The following TNRC6B variants were observed in gnomAD, a reference collection of about 807,000 sequenced individuals.
TNRC6B encodes trinucleotide repeat-containing gene 6B protein.
A neutral mutation model predicts 203.6 loss-of-function variants in TNRC6B; 52 were observed. That is an observed-to-expected ratio of 0.26 (90% CI 0.20 to 0.32). The LOEUF is 0.32. Among genes scored for constraint, TNRC6B ranks in the 10% least tolerant of loss-of-function variants. The probability of loss-of-function intolerance (pLI) is 1.00; values close to 1 mark genes in which losing one functional copy is unlikely to be tolerated. For missense variants in TNRC6B, 1,923 were observed against 2,286.2 expected (o/e 0.84, Z 3.24); for synonymous variants, 838 against 845.7 (o/e 0.99, Z 0.16).
intron 1 of TNRC6B, among the ~76,000 whole-genome samples, chr22:40,238,563 A>G (rs1426888091): frequency 6.6e-6 from 1 of 151,682 alleles, no homozygotes; most frequent in Non-Finnish European, 1.5e-5. Flanking sequence ...CCTCAGATAC[A>G]CCAATCTCAC....
intron 3 of TNRC6B, among the ~76,000 whole-genome samples, chr22:40,257,741 G>C (rs534335657): frequency 1.3e-5 from 2 of 151,372 alleles, no homozygotes; most frequent in African/African-American, 2.4e-5. Context: ...ATGAATGGAC[G>C]GCCAGGTGCG....
intron 1 of TNRC6B, among the ~76,000 whole-genome samples, chr22:40,196,155 T>G (rs2069334427): frequency 6.6e-6 from 1 of 151,962 alleles, no homozygotes; most frequent in Non-Finnish European, 1.5e-5. Context: ...TTTTAAAAAT[T>G]GCTTACCTCT....
intron 20 of TNRC6B, 39 bp from the exon 21 acceptor site, chr22:40,315,903 T>C: frequency 6.5e-7 from 1 of 1,533,414 alleles, no homozygotes; most frequent in Non-Finnish European, 9.0e-7. Context: ...TTGTTTTTGT[T>C]TTATTTCTCT....
rs1185796085 is a variant in TNRC6B at position 40,323,316 on chromosome 22, T to C, written c.*75T>C. 1 of 1,479,866 alleles carries C rather than the reference T, an allele frequency of 6.8e-7. No individual in the cohort carries two copies. Among genetic ancestry groups the C allele is most frequent in the Non-Finnish European group, 9.0e-7 (1 of 1,115,948 alleles). 91.7% of individuals were successfully genotyped at this position (1,479,866 alleles called of 1,614,324 possible). A position where few individuals can be genotyped will look rare whatever the true frequency, so the allele number is the denominator to read the frequency against. ...GCACTAACTTGACCTTTTCGTTTTT[T>C]TTTTCAACTTGCAATAAATACATTT... On this transcript the variant is annotated 3_prime_UTR_variant, in exon 23 of 23. Transcript: ENST00000454349.
chr22:40,249,568 G>A (rs946912342), intron 2 of TNRC6B, among the ~76,000 whole-genome samples: 4 of 152,296 alleles, frequency 2.6e-5, no homozygotes, highest in East Asian at 3.9e-4. Context: ...GCTTCTCGCC[G>A]TCTGGGGGAC....
intron 2 of TNRC6B, chr22:40,125,764 T>C (rs1685637019): frequency 6.3e-7 from 1 of 1,579,780 alleles, no homozygotes; most frequent in Non-Finnish European, 8.6e-7. Context: ...TCTTCTCTCT[T>C]CTTTTAGGCA....
intron 3 of TNRC6B, among the ~76,000 whole-genome samples, chr22:40,260,643 G>C (rs1251063331): frequency 6.6e-6 from 1 of 152,166 alleles, no homozygotes; most frequent in Non-Finnish European, 1.5e-5. Flanking sequence ...GATCTTTTAA[G>C]AATGTGGATG....
At chr22:40,139,436 A>G (rs1281247706) in intron 3 of TNRC6B, among the ~76,000 whole-genome samples, 1 of 147,322 alleles carries the variant, frequency 6.8e-6, no homozygotes, top group Non-Finnish European at 1.5e-5. Context: ...GGTTCCAGTG[A>G]TTCTCCTGCC....
intron 4 of TNRC6B, among the ~76,000 whole-genome samples, chr22:40,156,472 T>G (rs1360213391): frequency 6.6e-6 from 1 of 152,218 alleles, no homozygotes; most frequent in African/African-American, 2.4e-5. Context: ...TCTGTTTGGT[T>G]GATTTCCAAA....
intron 1 of TNRC6B, among the ~76,000 whole-genome samples, chr22:40,049,976 A>G (rs111302011): frequency 0.044 from 6,744 of 152,158 alleles, 449 homozygotes; most frequent in African/African-American, 0.15. Flanking sequence ...ATTAGTTTCT[A>G]TTATCGTTAG....
intron 12 of TNRC6B, among the ~76,000 whole-genome samples, chr22:40,291,357 C>T (rs2070867303): frequency 6.6e-6 from 1 of 151,934 alleles, no homozygotes; most frequent in Admixed American, 6.6e-5. Context: ...TGCAATCCAG[C>T]CTGGGTGACA....
chr22:40,069,508 A>G (rs1335974765), intron 1 of TNRC6B, among the ~76,000 whole-genome samples: 1 of 141,612 alleles, frequency 7.1e-6, no homozygotes, highest in Admixed American at 7.2e-5. Flanking sequence ...TTTTTTTGAG[A>G]TGGAGTTTCG....
intron 12 of TNRC6B, among the ~76,000 whole-genome samples, chr22:40,295,662 A>C (rs916197890): frequency 6.6e-6 from 1 of 152,090 alleles, no homozygotes; most frequent in Admixed American, 6.6e-5. Context: ...ATAATGGGAC[A>C]TTTTCAGAAG....
chr22:40,151,037 A>C (rs931318261), intron 3 of TNRC6B, among the ~76,000 whole-genome samples: 9 of 152,240 alleles, frequency 5.9e-5, no homozygotes, highest in Non-Finnish European at 1.3e-4. Context: ...TTTGATAAAA[A>C]TCTATGAATG....
intron 1 of TNRC6B, among the ~76,000 whole-genome samples, chr22:40,200,009 G>A (rs931485917): frequency 3.8e-4 from 58 of 152,012 alleles, no homozygotes; most frequent in Admixed American, 2.8e-3. Context: ...ATGTTGGCCA[G>A]GCTGGTCTTG....
intron 3 of TNRC6B, among the ~76,000 whole-genome samples, chr22:40,130,131 G>A (rs984948720): frequency 6.6e-6 from 1 of 152,138 alleles, no homozygotes; most frequent in African/African-American, 2.4e-5. Context: ...TTTTTAAATG[G>A]AAGAGGACTA....
chr22:40,293,166 G>A (rs565289850), intron 12 of TNRC6B, among the ~76,000 whole-genome samples: 78 of 149,456 alleles, frequency 5.2e-4, no homozygotes, highest in African/African-American at 1.9e-3. Context: ...GTTGTTATGA[G>A]CAGTGCTGCT....
chr22:40,266,388 T>C lies in TNRC6B; in HGVS notation c.2158T>C (p.Ser720Pro), dbSNP rs1341394554. ...AGGACGACCTGATGAAAAGACACCT[T>C]CCTCTTGGAATGAGAATCCCAGCAA... ...GGGRPDEKTP[S>P]SWNENPSKDQ... Residue 720 changes from serine (S) to proline (P), a missense_variant, in exon 5 of 23, where the codon TCC becomes CCC. Around this residue, in one of 8 missense-constraint regions of TNRC6B, gnomAD observed 599 missense variants for 656.5 expected, o/e 0.91. Transcript: ENST00000454349. 5.6e-6 allele frequency: 9 copies of C among 1,613,406 alleles called. No individual in the cohort carries two copies. Among genetic ancestry groups the C allele is most frequent in the Non-Finnish European group, 6.8e-6 (8 of 1,179,780 alleles).
Position 40,178,072 on chromosome 22 carries a change from T to C in TNRC6B, c.-64T>C. On this transcript the variant is annotated 5_prime_UTR_variant, in exon 1 of 23. Coordinates refer to ENST00000454349, the MANE Select transcript of TNRC6B (RefSeq NM_001162501.2). ...ACAAAAAGAATTCATTTTTTGGACC[T>C]TTTTTCATTTCCATTTCTACCTTGT... 1 of 1,594,334 alleles carries C rather than the reference T, an allele frequency of 6.3e-7. No individual in the cohort carries two copies. Among genetic ancestry groups the C allele is most frequent in the Non-Finnish European group, 8.5e-7 (1 of 1,173,348 alleles).
Sources: gnomAD v4.1 joint callset for allele counts (sites outside exome capture counted in the v4.1 genomes callset) on GRCh38, gnomAD v4.1.1 for gene constraint, gnomAD v4.1.1 regional missense constraint, MANE v1.5 for transcripts, NCBI Gene and HGNC (gene_info 2026-07-23, HGNC 2026-07-21) for gene names.